The following ZXDC variants were observed in gnomAD, a reference collection of about 807,000 sequenced individuals.
The protein encoded by ZXDC is ZXD family zinc finger C.
Under a neutral mutation model 63.6 loss-of-function variants are expected in ZXDC, and 58 were observed. The observed-to-expected ratio is 0.91, with a 90% CI of 0.74 to 1.13. The LOEUF is 1.13. Among genes scored for constraint, ZXDC ranks in the 50% most tolerant of loss-of-function variants. The pLI, the probability that ZXDC is intolerant of heterozygous loss-of-function variation, is 0.00. For missense variants in ZXDC, 1,133 were observed against 1,148.9 expected (o/e 0.99, Z 0.20); for synonymous variants, 561 against 496.1 (o/e 1.13, Z -1.74).
In ZXDC at chr3:126,466,235, G is replaced by A. The variant is rs746833668; in HGVS notation, c.1361C>T (p.Pro454Leu). The A allele has an allele frequency of 4.3e-6, 7 of 1,614,220 alleles. No individual in the cohort carries two copies. The South Asian group carries it at 5.5e-5, about 13-fold the overall frequency. Residue 454 changes from proline (P) to leucine (L), a missense_variant, in exon 5 of 10, where the codon CCA becomes CTA. Physicochemically the swap from Pro to Leu is moderately conservative, Grantham distance 98 (BLOSUM62 -3). Transcript: ENST00000389709. The part of the protein sequence containing the change: ...QDVGAPKSRC[P>L]VSTCNRLFTS... The stretch of plus-strand genomic sequence containing the variant: ...GAAGAGTCTGTTGCAGGTAGAAACT[G>A]GGCAACGGCTTTTCGGAGCACCCAC...
At chr3:126,467,539 A>T (rs1403585218) in intron 4 of ZXDC, among the ~76,000 whole-genome samples, 3 of 152,178 alleles carry the variant, frequency 2.0e-5, no homozygotes, top group African/African-American at 7.2e-5. Context: ...TATTTTAAGG[A>T]AAGAGGCTAT....
Position 126,470,956 on chromosome 3 carries a change from C to G in ZXDC, c.1209G>C (p.Glu403Asp), listed in dbSNP as rs369719034. Residue 403 changes from glutamate to aspartate, a missense_variant, in exon 4 of 10, where the codon GAG becomes GAC. Physicochemically the swap from Glu to Asp is conservative, Grantham distance 45 (BLOSUM62 2). Coordinates refer to ENST00000389709, the MANE Select transcript of ZXDC (RefSeq NM_025112.5). ...EGCGKSFTRA[E>D]HLKGHSITHL... The stretch of plus-strand genomic sequence containing the variant: ...GGGTTATGCTGTGGCCTTTCAGATG[C>G]TCTGCTCTGGTGAATGATTTCCCAC... The G allele has an allele frequency of 9.5e-5, 153 of 1,614,098 alleles. No homozygotes were observed. The highest frequency in any genetic ancestry group is 1.3e-4 in the Non-Finnish European group (153 of 1,180,046).
chr3:126,453,443 G>A, intron 7 of ZXDC: 1 of 985,438 alleles, frequency 1.0e-6, no homozygotes, highest in Non-Finnish European at 1.2e-6. Context: ...GAAGACATCT[G>A]AGGCACAAAC....
chr3:126,449,656 C>T (rs534904195), intron 7 of ZXDC, among the ~76,000 whole-genome samples: 26 of 152,314 alleles, frequency 1.7e-4, no homozygotes, highest in Non-Finnish European at 3.2e-4. Flanking sequence ...AAGTTTCCTC[C>T]TCCCAAAGGC....
intron 7 of ZXDC, among the ~76,000 whole-genome samples, chr3:126,443,632 C>CA (rs969152855): frequency 7.9e-5 from 12 of 152,122 alleles, no homozygotes; most frequent in Admixed American, 5.9e-4. Flanking sequence ...AAGTCAACTG[C>CA]AAAAAATGAA....
intron 5 of ZXDC, among the ~76,000 whole-genome samples, chr3:126,463,367 A>T (rs1337960899): frequency 1.3e-5 from 2 of 152,174 alleles, no homozygotes; most frequent in Non-Finnish European, 2.9e-5. Context: ...CCACGCCTGC[A>T]GCATGTCATG....
At chr3:126,467,449 G>A (rs1418934939) in intron 4 of ZXDC, among the ~76,000 whole-genome samples, 2 of 152,186 alleles carry the variant, frequency 1.3e-5, no homozygotes, top group Non-Finnish European at 2.9e-5. Flanking sequence ...CTAAGCAAGT[G>A]GTGCGAGCAA....
chr3:126,459,679 T>A lies in ZXDC; in HGVS notation c.2186A>T (p.Lys729Met), dbSNP rs770761192. The part of the protein sequence containing the change: ...YRAIQLAKEK[K>M]QRGAGSNAGA... Reference sequence around the variant, plus strand: ...TGCATTGCTCCCCGCTCCTCTCTGCTTTTTTTCCTTGGCTAGTTGAATGGC... The same window carrying A: ...TGCATTGCTCCCCGCTCCTCTCTGCATTTTTTCCTTGGCTAGTTGAATGGC... Residue 729 changes from lysine (K) to methionine (M), a missense_variant, in exon 7 of 10, where the codon AAG becomes ATG. Coordinates refer to ENST00000389709, the MANE Select transcript of ZXDC (RefSeq NM_025112.5). The A allele has an allele frequency of 6.2e-7, 1 of 1,614,086 alleles. No individual in the cohort carries two copies. The highest frequency in any genetic ancestry group is 8.5e-7 in the Non-Finnish European group (1 of 1,179,974).
chr3:126,459,576 T>C, intron 7 of ZXDC, 77 bp downstream of exon 7: 1 of 1,605,658 alleles, frequency 6.2e-7, no homozygotes. Context: ...AAACACCTGC[T>C]GTGTTTCTTC....
chr3:126,441,529 T>C (rs998179133), intron 8 of ZXDC: 3 of 1,287,434 alleles, frequency 2.3e-6, no homozygotes, highest in Admixed American at 7.7e-5. Context: ...AGGAAGTGGA[T>C]GCACGGTCCC....
Position 126,457,369 on chromosome 3 carries a change from G to A in ZXDC, c.2212+2284C>T, listed in dbSNP as rs144629798. On this transcript the variant is annotated intron_variant, in intron 7 of 9. Coordinates refer to ENST00000389709, the MANE Select transcript of ZXDC (RefSeq NM_025112.5). ...CTAAAACCACAGCAGACCCATGGGC[G>A]CGGGAAGACACCAGTGCCCTGCATG... 69 of 985,430 alleles carry A rather than the reference G, an allele frequency of 7.0e-5. No individual in the cohort carries two copies. In the East Asian group the frequency reaches 5.0e-3, roughly 71 times the overall value. The allele number at this position is 985,430 out of a possible 1,614,324, so 61.0% of individuals were successfully genotyped here.
chr3:126,447,972 G>A (rs1440447477), intron 7 of ZXDC, among the ~76,000 whole-genome samples: 1 of 152,184 alleles, frequency 6.6e-6, no homozygotes, highest in Non-Finnish European at 1.5e-5. Flanking sequence ...AGCCGGCCTT[G>A]GGTTCAATCC....
chr3:126,454,774 C>T (rs953735414), intron 7 of ZXDC: 2 of 985,278 alleles, frequency 2.0e-6, no homozygotes, highest in Admixed American at 6.2e-5. Context: ...AAGCTGTTCA[C>T]GTTTTTAAGC....
At chr3:126,464,373 A>G (rs1464984158) in intron 5 of ZXDC, among the ~76,000 whole-genome samples, 1 of 152,078 alleles carries the variant, frequency 6.6e-6, no homozygotes, top group Non-Finnish European at 1.5e-5. Context: ...GCAGTGAGGA[A>G]CCCACTCCCA....
chr3:126,474,547 C>G (rs745540361), intron 1 of ZXDC, among the ~76,000 whole-genome samples: 36 of 152,358 alleles, frequency 2.4e-4, no homozygotes, highest in Non-Finnish European at 4.4e-4. Context: ...ATCCTCCCAG[C>G]GTGTTAAGGT....
intron 7 of ZXDC, among the ~76,000 whole-genome samples, chr3:126,448,095 C>T (rs1489127931): frequency 6.6e-6 from 1 of 152,222 alleles, no homozygotes; most frequent in African/African-American, 2.4e-5. Context: ...AGGATTGTTG[C>T]GAGGACTAAT....
rs756027577 is a variant in ZXDC, at chr3:126,461,849, TCA to T, written c.1811_1812del (p.Val604GlufsTer18). 9 of 1,614,050 alleles carry T rather than the reference TCA, an allele frequency of 5.6e-6. No individual in the cohort carries two copies. Among genetic ancestry groups the T allele is most frequent in the African/African-American group, 2.7e-5 (2 of 74,922 alleles). On this transcript the variant is annotated frameshift_variant, in exon 6 of 10. Coordinates refer to ENST00000389709, the MANE Select transcript of ZXDC (RefSeq NM_025112.5). LOFTEE classifies it high-confidence loss of function. ...GSFSVDDVQTVSAGALGCLVA... is the reference protein window; with the variant it reads ...GSFSVDDVQTXSAGALGCLVA... ...ACCAGACAGCCTAATGCTCCTGCAC[TCA>T]CAGTCTGCACGTCATCCACACTGAA...
chr3:126,438,241 C>A lies in ZXDC; in HGVS notation c.*134G>T. Reference sequence around the variant, plus strand: ...AAGGAAAACATTTTTGATAAATGTACCCAAAAGTCTCAAAAGGGCTACGCT... The same window carrying A: ...AAGGAAAACATTTTTGATAAATGTAACCAAAAGTCTCAAAAGGGCTACGCT... On this transcript the variant is annotated 3_prime_UTR_variant, in exon 10 of 10. Coordinates refer to ENST00000389709, the MANE Select transcript of ZXDC (RefSeq NM_025112.5). 1.4e-6 allele frequency: 1 copy of A among 727,318 alleles called. No individual in the cohort carries two copies. The highest frequency in any genetic ancestry group is 2.4e-6 in the Non-Finnish European group (1 of 415,412). The allele number at this position is 727,318 out of a possible 1,614,324, so 45.1% of individuals were successfully genotyped here.
In ZXDC at chr3:126,474,958, C is replaced by T; in HGVS notation, c.907+1G>A. The T allele has an allele frequency of 1.3e-6, 2 of 1,566,558 alleles. No homozygotes were observed. Among genetic ancestry groups the T allele is most frequent in the Non-Finnish European group, 1.7e-6 (2 of 1,154,696 alleles). ...CCGCCCGCCCCCGAGAGCGCGGTTA[C>T]CGGGAAAGTCACACTTGTAAGGGCG... is the stretch of plus-strand genomic sequence containing the variant. On this transcript the variant is annotated splice_donor_variant, in intron 1 of 9. Transcript: ENST00000389709. LOFTEE classifies it high-confidence loss of function.
Sources: gnomAD v4.1 joint callset for allele counts (sites outside exome capture counted in the v4.1 genomes callset) on GRCh38, gnomAD v4.1.1 for gene constraint, MANE v1.5 for transcripts, NCBI Gene and HGNC (gene_info 2026-07-23, HGNC 2026-07-21) for gene names.